The following ZNF723 variants were observed in gnomAD, a reference collection of about 807,000 sequenced individuals.
The protein encoded by ZNF723 is zinc finger protein 723.
ZNF723 carries 5 observed loss-of-function variants against 9.4 expected under a neutral mutation model. The observed-to-expected ratio is 0.53, with a 90% confidence interval of 0.28 to 1.12. The LOEUF is 1.12. Among genes scored for constraint, ZNF723 ranks in the 50% most tolerant of loss-of-function variants. ZNF723 has a pLI of 0.10. For synonymous variants in ZNF723, 158 were observed against 168.8 expected, an observed-to-expected ratio of 0.94 and a Z score of 0.49; for missense variants, 450 against 501.5, an observed-to-expected ratio of 0.90 and a Z score of 0.98.
the ZNF723 span, among the ~76,000 whole-genome samples, chr19:22,827,246 C>G: frequency 6.6e-6 from 1 of 152,112 alleles, no homozygotes; most frequent in African/African-American, 2.4e-5. Flanking sequence ...TGTGTAATTG[C>G]TAATACTTGT....
chr19:22,827,063 A>G, the ZNF723 span, among the ~76,000 whole-genome samples: 2 of 152,342 alleles, frequency 1.3e-5, no homozygotes, highest in Admixed American at 6.5e-5. Context: ...CATTTTTTCC[A>G]TGGCTTAGCA....
the ZNF723 span, among the ~76,000 whole-genome samples, chr19:22,819,320 G>A: frequency 4.0e-4 from 61 of 152,302 alleles, no homozygotes; most frequent in South Asian, 1.0e-3. Flanking sequence ...ATATCTCCAT[G>A]ACCTAGGTTA....
chr19:22,834,870 C>T (rs931743035), intron 1 of ZNF723, among the ~76,000 whole-genome samples: 1 of 151,998 alleles, frequency 6.6e-6, no homozygotes, highest in Non-Finnish European at 1.5e-5. Context: ...AAAACCTGAC[C>T]CCAGTGAGAA....
At chr19:22,829,346 C>T (rs560758526), upstream of ZNF723, among the ~76,000 whole-genome samples, 13 of 149,828 alleles carry the variant, frequency 8.7e-5, no homozygotes, top group South Asian at 1.5e-3. Context: ...AGTGCAGCGG[C>T]GAGATTTCCG....
intron 1 of ZNF723, 90 bp downstream of exon 1, chr19:22,832,472 C>CT: frequency 8.1e-7 from 1 of 1,235,752 alleles, no homozygotes; most frequent in Middle Eastern, 2.0e-4. Flanking sequence ...GGCCTCCCTG[C>CT]TGTCAGCCCC....
At chr19:22,839,949 C>G (rs1190794391) in intron 1 of ZNF723, among the ~76,000 whole-genome samples, 1 of 151,932 alleles carries the variant, frequency 6.6e-6, no homozygotes, top group Non-Finnish European at 1.5e-5. Flanking sequence ...TTCTTTGCTT[C>G]CTTTTTAATA....
At chr19:22,832,286 G>A, upstream of ZNF723, 6 of 1,220,052 alleles carry the variant, frequency 4.9e-6, no homozygotes, top group Non-Finnish European at 6.9e-6. Flanking sequence ...GGGATTTGGC[G>A]CGGCCTTTTG....
intron 1 of ZNF723, among the ~76,000 whole-genome samples, chr19:22,845,044 G>C (rs1056906357): frequency 6.6e-6 from 1 of 152,112 alleles, no homozygotes; most frequent in East Asian, 1.9e-4. Context: ...GCATGAACCC[G>C]GGAGGCGGAG....
At chr19:22,835,289 G>A (rs544766703) in intron 1 of ZNF723, among the ~76,000 whole-genome samples, 11 of 151,884 alleles carry the variant, frequency 7.2e-5, no homozygotes, top group African/African-American at 2.7e-4. Flanking sequence ...TAATCCACCC[G>A]CTTCAGCCTC....
chr19:22,842,002 T>TTTGTTG lies in ZNF723; in HGVS notation c.4-6244_4-6239dup, dbSNP rs59309724. On this transcript the variant is annotated intron_variant, in intron 1 of 3. Transcript: ENST00000600766. ...TCTTTCTCCCACCTTTGAACTATGT[T>TTTGTTG]TTGTTGTTGTTGTTGTTGTTTTGAG... 3.9e-5 allele frequency among the ~76,000 whole-genome samples: 6 copies of TTTGTTG among 151,936 alleles called. No homozygotes were observed. In the South Asian group the frequency reaches 8.3e-4, roughly 21 times the overall value.
At chr19:22,817,171 C>T in the ZNF723 span, among the ~76,000 whole-genome samples, 3 of 152,186 alleles carry the variant, frequency 2.0e-5, no homozygotes, top group Non-Finnish European at 2.9e-5. Flanking sequence ...TATTACGATG[C>T]ATTTTTTATT....
In ZNF723 at chr19:22,858,417, A is replaced by G; in HGVS notation, c.1526A>G (p.Gln509Arg). 1.4e-6 allele frequency: 1 copy of G among 724,412 alleles called. No individual in the cohort carries two copies. 44.9% of individuals were successfully genotyped at this position (724,412 alleles called of 1,614,324 possible). Reference sequence around the variant, plus strand: ...ATAATTCATACTAAAGAGAAATCACAAACCTTAAAGATGTGACAATGCTTT... The same window carrying G: ...ATAATTCATACTAAAGAGAAATCACGAACCTTAAAGATGTGACAATGCTTT... Reference protein sequence around the residue: ...HKIIHTKEKSQTLKM With the variant: ...HKIIHTKEKSRTLKM Residue 509 changes from glutamine to arginine, a missense_variant, in exon 4 of 4, where the codon CAA (glutamine) becomes CGA (arginine). Transcript: ENST00000600766.
At chr19:22,832,424 T>C (rs977623339) in intron 1 of ZNF723, 42 bp downstream of exon 1, 2 of 1,363,546 alleles carry the variant, frequency 1.5e-6, no homozygotes, top group Admixed American at 3.5e-5. Flanking sequence ...GGGGAAGGGC[T>C]GGTTGGAACC....
At chr19:22,826,773 C>T in the ZNF723 span, among the ~76,000 whole-genome samples, 255 of 152,204 alleles carry the variant, frequency 1.7e-3, 1 homozygote, top group Admixed American at 0.015. Context: ...CTACGAACAA[C>T]AGAAATAAAA....
chr19:22,841,469 C>T (rs1250022627), intron 1 of ZNF723, among the ~76,000 whole-genome samples: 3 of 152,146 alleles, frequency 2.0e-5, no homozygotes, highest in African/African-American at 7.2e-5. Flanking sequence ...TCTTTCTGTT[C>T]TATCATTTTG....
At chr19:22,820,900 C>T in the ZNF723 span, among the ~76,000 whole-genome samples, 2 of 152,300 alleles carry the variant, frequency 1.3e-5, no homozygotes, top group South Asian at 4.1e-4. Flanking sequence ...AACATTGTCA[C>T]CCTCCTAAAT....
chr19:22,820,039 C>T, the ZNF723 span, among the ~76,000 whole-genome samples: 30 of 152,232 alleles, frequency 2.0e-4, no homozygotes, highest in South Asian at 5.6e-3. Context: ...GGGATTGTAA[C>T]ATATCACTGG....
chr19:22,824,715 CAT>C, the ZNF723 span, among the ~76,000 whole-genome samples: 23,231 of 152,132 alleles, frequency 0.15, 1,816 homozygotes, highest in Non-Finnish European at 0.18. Flanking sequence ...TACCCACACA[CAT>C]GTTTTTAGCC....
intron 3 of ZNF723, among the ~76,000 whole-genome samples, chr19:22,855,952 T>G (rs746660341): frequency 1.1e-4 from 17 of 152,022 alleles, no homozygotes; most frequent in Admixed American, 5.3e-4. Context: ...TTTAGAATTT[T>G]TTTGTTTGTT....
Sources: allele counts gnomAD v4.1 joint callset (sites outside exome capture counted in the v4.1 genomes callset), GRCh38; gene constraint gnomAD v4.1.1; transcripts MANE v1.5; gene names NCBI Gene and HGNC (gene_info 2026-07-23, HGNC 2026-07-21).